MECOM: variants seen among roughly 807,000 people sequenced by gnomAD.
MECOM encodes histone-lysine N-methyltransferase MECOM.
Under a neutral mutation model 116.3 loss-of-function variants are expected in MECOM, and 13 were observed. That is an observed-to-expected ratio of 0.11 (90% CI 0.07 to 0.18). The LOEUF (loss-of-function observed/expected upper bound fraction) is 0.18. Among genes scored for constraint, MECOM ranks in the 10% least tolerant of loss-of-function variants. The probability of loss-of-function intolerance (pLI) is 1.00; values close to 1 mark genes in which losing one functional copy is unlikely to be tolerated. For synonymous variants in MECOM, 528 were observed against 535.2 expected, an observed-to-expected ratio of 0.99 and a Z score of 0.19; for missense variants, 1,299 against 1,509.0, an observed-to-expected ratio of 0.86 and a Z score of 2.31.
At chr3:169,549,240 G>A (rs966649158) in intron 1 of MECOM, among the ~76,000 whole-genome samples, 1 of 152,040 alleles carries the variant, frequency 6.6e-6, no homozygotes. Flanking sequence ...CCAAAGTGCT[G>A]GGATTACAGG....
At chr3:169,477,869 T>C (rs540891986) in intron 1 of MECOM, among the ~76,000 whole-genome samples, 59 of 152,236 alleles carry the variant, frequency 3.9e-4, no homozygotes, top group Non-Finnish European at 6.5e-4. Flanking sequence ...AGACTATCTC[T>C]AGACAAAGCG....
At chr3:169,231,935 G>T (rs1215983129) in intron 2 of MECOM, among the ~76,000 whole-genome samples, 1 of 152,114 alleles carries the variant, frequency 6.6e-6, no homozygotes, top group Non-Finnish European at 1.5e-5. Flanking sequence ...TACCTTCTAA[G>T]CTGTTAGTCC....
At chr3:169,157,555 C>T (rs1742173725) in intron 2 of MECOM, among the ~76,000 whole-genome samples, 1 of 152,084 alleles carries the variant, frequency 6.6e-6, no homozygotes, top group Non-Finnish European at 1.5e-5. Context: ...ATTAAAGTAC[C>T]AATACAATCT....
chr3:169,602,999 C>T (rs1023085448), intron 1 of MECOM, among the ~76,000 whole-genome samples: 1 of 152,130 alleles, frequency 6.6e-6, no homozygotes, highest in African/African-American at 2.4e-5. Context: ...CACATACACA[C>T]ATATTTAACT....
At chr3:169,174,988 C>T (rs898253044) in intron 2 of MECOM, among the ~76,000 whole-genome samples, 2 of 151,990 alleles carry the variant, frequency 1.3e-5, no homozygotes, top group Non-Finnish European at 2.9e-5. Context: ...TTTTGTCAAT[C>T]GGGGTGGGTA....
chr3:169,104,071 C>T (rs1272582225), intron 10 of MECOM, among the ~76,000 whole-genome samples: 1 of 152,132 alleles, frequency 6.6e-6, no homozygotes, highest in Admixed American at 6.6e-5. Context: ...CATCGGGAGG[C>T]AGTAAGGGCT....
chr3:169,116,972 A>G (rs1480257608), intron 7 of MECOM, among the ~76,000 whole-genome samples: 1 of 152,134 alleles, frequency 6.6e-6, no homozygotes, highest in Non-Finnish European at 1.5e-5. Flanking sequence ...ATATAGATAT[A>G]TATATCTTGT....
intron 1 of MECOM, among the ~76,000 whole-genome samples, chr3:169,497,342 C>CT (rs1349446825): frequency 1.7e-4 from 26 of 150,182 alleles, no homozygotes; most frequent in African/African-American, 5.8e-4. Flanking sequence ...TTCTCTTTTT[C>CT]TTTTTCTTTT....
At chr3:169,308,513 A>C (rs115346614) in intron 2 of MECOM, among the ~76,000 whole-genome samples, 2 of 152,208 alleles carry the variant, frequency 1.3e-5, no homozygotes, top group Non-Finnish European at 2.9e-5. Context: ...TCTACTGTTC[A>C]AAAATAAAGG....
chr3:169,422,458 G>T (rs1739929995), intron 1 of MECOM, among the ~76,000 whole-genome samples: 1 of 152,050 alleles, frequency 6.6e-6, no homozygotes, highest in Non-Finnish European at 1.5e-5. Flanking sequence ...CAGAGAAAGA[G>T]TAAATTTTCT....
At chr3:169,399,712 A>G (rs941827047) in intron 1 of MECOM, among the ~76,000 whole-genome samples, 57 of 152,166 alleles carry the variant, frequency 3.7e-4, no homozygotes, top group African/African-American at 1.0e-3. Context: ...TTCTGCCAGA[A>G]AGTTTTGTTT....
At chr3:169,501,467 C>T (rs1001946547) in intron 1 of MECOM, among the ~76,000 whole-genome samples, 4 of 151,868 alleles carry the variant, frequency 2.6e-5, no homozygotes, top group Non-Finnish European at 4.4e-5. Context: ...CAATTAAAAA[C>T]AAACAAGAAA....
intron 1 of MECOM, among the ~76,000 whole-genome samples, chr3:169,441,715 T>A (rs1306161058): frequency 1.3e-5 from 2 of 149,208 alleles, no homozygotes; most frequent in African/African-American, 2.4e-5. Flanking sequence ...TATGTTACAC[T>A]TCTTCTTCTC....
intron 1 of MECOM, among the ~76,000 whole-genome samples, chr3:169,598,855 T>C (rs1226117533): frequency 1.3e-5 from 2 of 152,082 alleles, no homozygotes; most frequent in African/African-American, 4.8e-5. Context: ...GAAGAAAATA[T>C]GGGACTAGGC....
At chr3:169,154,004 C>T (rs190386653) in intron 2 of MECOM, among the ~76,000 whole-genome samples, 2 of 152,262 alleles carry the variant, frequency 1.3e-5, no homozygotes, top group Admixed American at 1.3e-4. Flanking sequence ...ATTCCAGTGT[C>T]AGTTGCCCTA....
intron 1 of MECOM, among the ~76,000 whole-genome samples, chr3:169,555,991 A>G (rs1348619199): frequency 6.6e-6 from 1 of 152,216 alleles, no homozygotes; most frequent in Non-Finnish European, 1.5e-5. Flanking sequence ...GTTTTATTTC[A>G]TATTTTAACT....
chr3:169,622,428 T>A (rs1770862967), intron 1 of MECOM, among the ~76,000 whole-genome samples: 1 of 152,090 alleles, frequency 6.6e-6, no homozygotes, highest in Non-Finnish European at 1.5e-5. Flanking sequence ...ACGAAAGGAG[T>A]TAGACTAACA....
chr3:169,483,203 T>TA (rs1491412244), intron 1 of MECOM, among the ~76,000 whole-genome samples: 10 of 48,310 alleles, frequency 2.1e-4, no homozygotes, highest in South Asian at 1.9e-3. Flanking sequence ...TTTATTTTTA[T>TA]TTTTTTTTTT....
chr3:169,220,734 C>A (rs1258407949), intron 2 of MECOM, among the ~76,000 whole-genome samples: 1 of 152,116 alleles, frequency 6.6e-6, no homozygotes, highest in Non-Finnish European at 1.5e-5. Context: ...CTGGGTCTTC[C>A]AAAATGCTGG....
Sources: gnomAD v4.1 joint callset for allele counts (sites outside exome capture counted in the v4.1 genomes callset) on GRCh38, gnomAD v4.1.1 for gene constraint, MANE v1.5 for transcripts, NCBI Gene and HGNC (gene_info 2026-07-23, HGNC 2026-07-21) for gene names.